The following DYNC2H1 variants were observed in gnomAD, a reference collection of about 807,000 sequenced individuals.
The protein encoded by DYNC2H1 is dynein cytoplasmic 2 heavy chain 1, also known as cytoplasmic dynein 2 heavy chain 1.
In DYNC2H1, 410 loss-of-function variants were observed where a neutral mutation model predicts 570.0. That is an observed-to-expected ratio of 0.72 (90% confidence interval 0.66 to 0.78). The LOEUF (loss-of-function observed/expected upper bound fraction) is 0.78, where lower values mean the gene tolerates loss of function less well. Among genes scored for constraint, DYNC2H1 ranks in the 30% least tolerant of loss-of-function variants. The pLI, the probability that DYNC2H1 is intolerant of heterozygous loss-of-function variation, is 0.00. For missense variants in DYNC2H1, 4,865 were observed against 5,046.4 expected, an observed-to-expected ratio of 0.96 and a Z score of 1.09; for synonymous variants, 1,688 against 1,677.6, an observed-to-expected ratio of 1.01 and a Z score of -0.15.
intron 83 of DYNC2H1, among the ~76,000 whole-genome samples, chr11:103,398,245 T>C (rs1040116774): frequency 6.6e-6 from 1 of 152,198 alleles, no homozygotes; most frequent in Non-Finnish European, 1.5e-5. Context: ...GTGCTAAATA[T>C]TATTTATTGC....
chr11:103,157,341 C>T lies in DYNC2H1; in HGVS notation c.4127+571C>T, dbSNP rs1412706431. Among the ~76,000 whole-genome samples the T allele has an allele frequency of 6.6e-6, 1 of 152,172 alleles. No homozygotes were observed. Among genetic ancestry groups the T allele is most frequent in the African/African-American group, 2.4e-5 (1 of 41,432 alleles). ...GGTCTCCTCAACTTACATGTACAGC[C>T]CATATTTCTCTTCTGAGCTCCAAAT... On this transcript the variant is annotated intron_variant, in intron 26 of 88. Transcript: ENST00000375735. The surrounding 1 kb of genome is among the most constrained non-coding windows in gnomAD (Gnocchi z 4.2).
Position 103,241,512 on chromosome 11 carries a change from A to T in DYNC2H1, c.9820-2181A>T. ...TTGAAATGTTACCTTTCTTCTTTTC[A>T]TTTAACTGCATCAGATCATTGGTTT... On this transcript the variant is annotated intron_variant, in intron 63 of 88. Transcript: ENST00000375735. This position sits in a 1 kb window ranked among gnomAD's most constrained non-coding sequence, Gnocchi z 5.1. 7 of 1,592,478 alleles carry T rather than the reference A, an allele frequency of 4.4e-6. No individual in the cohort carries two copies. Among genetic ancestry groups the T allele is most frequent in the Non-Finnish European group, 6.0e-6 (7 of 1,163,924 alleles).
intron 73 of DYNC2H1, among the ~76,000 whole-genome samples, chr11:103,283,817 A>T (rs1340663255): frequency 6.6e-6 from 1 of 152,110 alleles, no homozygotes; most frequent in East Asian, 1.9e-4. Context: ...TTCATTTCAT[A>T]AACATTGGTT....
At chr11:103,416,062 A>G (rs1298059059) in intron 84 of DYNC2H1, among the ~76,000 whole-genome samples, 1 of 152,186 alleles carries the variant, frequency 6.6e-6, no homozygotes, top group Non-Finnish European at 1.5e-5. Flanking sequence ...AGAAAACCAA[A>G]CACCACATGT....
intron 87 of DYNC2H1, among the ~76,000 whole-genome samples, chr11:103,463,016 C>T (rs9787739): frequency 0.07 from 10,591 of 152,184 alleles, 445 homozygotes; most frequent in Non-Finnish European, 0.095. Flanking sequence ...TATGGTGATT[C>T]GTTCTCAAAA....
intron 75 of DYNC2H1, among the ~76,000 whole-genome samples, chr11:103,301,165 ACCTC>A (rs1377613204): frequency 6.6e-6 from 1 of 151,892 alleles, no homozygotes; most frequent in East Asian, 1.9e-4. Flanking sequence ...ATTATCTTTT[ACCTC>A]AACATGTTTG....
In DYNC2H1 at chr11:103,157,201, T is replaced by A. The variant is rs1860876811; in HGVS notation, c.4127+431T>A. On this transcript the variant is annotated intron_variant, in intron 26 of 88. Coordinates refer to ENST00000375735, the MANE Select transcript of DYNC2H1 (RefSeq NM_001377.3). This position sits in a 1 kb window ranked among gnomAD's most constrained non-coding sequence, Gnocchi z 4.2. ...CAACACATAGTTCCTAGTCCTTAGCTGTCTCCAAATCTTTAGATGTAGTCA... is the reference window on the plus strand; with the variant it reads ...CAACACATAGTTCCTAGTCCTTAGCAGTCTCCAAATCTTTAGATGTAGTCA... Among the ~76,000 whole-genome samples, 1 of 152,240 alleles carries A rather than the reference T, an allele frequency of 6.6e-6. No homozygotes were observed. Among genetic ancestry groups the A allele is most frequent in the Non-Finnish European group, 1.5e-5 (1 of 68,042 alleles).
chr11:103,414,127 TAAGATGGAAAC>T (rs1281968333), intron 84 of DYNC2H1, among the ~76,000 whole-genome samples: 1 of 151,546 alleles, frequency 6.6e-6, no homozygotes, highest in Non-Finnish European at 1.5e-5. Context: ...AAATAGGACA[TAAGATGGAAAC>T]ATAACCTTTA....
chr11:103,282,106 A>C (rs1378262422), intron 71 of DYNC2H1, 73 bp from the exon 72 acceptor site: 25 of 1,399,118 alleles, frequency 1.8e-5, no homozygotes, highest in South Asian at 1.3e-4. Flanking sequence ...GCCATCTTAT[A>C]AGGAAAGTTA....
Position 103,168,848 on chromosome 11 carries a change from A to C in DYNC2H1, c.4856A>C (p.His1619Pro). Reference sequence around the variant, plus strand: ...AAGCAGTTAAACCAAATTCAGGTTCATACAACTGAAGACTGGGCTTGGAAA... The same window carrying C: ...AAGCAGTTAAACCAAATTCAGGTTCCTACAACTGAAGACTGGGCTTGGAAA... ...VVKQLNQIQVHTTEDWAWKKQ... is the reference protein window; with the variant it reads ...VVKQLNQIQVPTTEDWAWKKQ... Residue 1619 changes from histidine to proline, a missense_variant, in exon 32 of 89, where the codon CAT becomes CCT. This residue lies in a region of DYNC2H1 where 1,936 missense variants were observed against 1,962.1 expected (regional missense o/e 0.99). Transcript: ENST00000375735. 6.2e-7 allele frequency: 1 copy of C among 1,613,410 alleles called. No homozygotes were observed. Among genetic ancestry groups the C allele is most frequent in the Non-Finnish European group, 8.5e-7 (1 of 1,179,574 alleles).
intron 63 of DYNC2H1, 92 bp downstream of exon 63, chr11:103,236,631 G>A: frequency 3.1e-6 from 2 of 636,512 alleles, no homozygotes; most frequent in Non-Finnish European, 5.2e-6. Context: ...GTCTTTCACA[G>A]TTACCCTTTT....
rs755673575 is a variant in DYNC2H1 at position 103,143,405 on chromosome 11, G to T, written c.2702+10G>T. The T allele has an allele frequency of 2.5e-6, 4 of 1,604,312 alleles. No homozygotes were observed. The South Asian group carries it at 4.5e-5, about 18-fold the overall frequency. ...TAGAACGACTTCCAAGGTATTGGAG[G>T]TTAATGTAGTACTTACGTACCATAA... On this transcript the variant is annotated intron_variant, in intron 18 of 88. Transcript: ENST00000375735.
Position 103,143,048 on chromosome 11 carries a change from A to G in DYNC2H1, c.2575-220A>G, listed in dbSNP as rs564180652. ...GAGAATCTAAACAGAGGGTTTATAT[A>G]ATTTTCTTTAAAAGTTTATGATCAC... On this transcript the variant is annotated intron_variant, in intron 17 of 88. Coordinates refer to ENST00000375735, the MANE Select transcript of DYNC2H1 (RefSeq NM_001377.3). Among the ~76,000 whole-genome samples the G allele has an allele frequency of 4.1e-4, 62 of 152,296 alleles. 1 individual carries two copies. The highest frequency in any genetic ancestry group is 8.3e-4 in the South Asian group (4 of 4,828).
chr11:103,149,711 A>G (rs1860439876), intron 20 of DYNC2H1, among the ~76,000 whole-genome samples: 2 of 152,124 alleles, frequency 1.3e-5, no homozygotes, highest in African/African-American at 4.8e-5. Context: ...GCATTGTACT[A>G]GGAGTTGGGG....
chr11:103,363,499 TTC>T lies in DYNC2H1; in HGVS notation c.12156+5142_12156+5143del, dbSNP rs1940756998. ...AATCTTACCACAAGGCAAACTCTTA[TTC>T]TAAAAAAAATGTTTTCCGAGTTTGT... On this transcript the variant is annotated intron_variant, in intron 83 of 88. Coordinates refer to ENST00000375735, the MANE Select transcript of DYNC2H1 (RefSeq NM_001377.3). The surrounding 1 kb of genome is among the most constrained non-coding windows in gnomAD (Gnocchi z 5.6). 6.6e-6 allele frequency among the ~76,000 whole-genome samples: 1 copy of T among 152,202 alleles called. No individual in the cohort carries two copies. The highest frequency in any genetic ancestry group is 1.5e-5 in the Non-Finnish European group (1 of 68,022).
chr11:103,153,535 T>C, intron 22 of DYNC2H1, 27 bp downstream of exon 22: 8 of 1,518,814 alleles, frequency 5.3e-6, no homozygotes, highest in Non-Finnish European at 7.1e-6. Flanking sequence ...AAATTGATAG[T>C]GCTTATTTTG....
At chr11:103,281,942 A>G (rs1866154551) in intron 71 of DYNC2H1, among the ~76,000 whole-genome samples, 1 of 152,012 alleles carries the variant, frequency 6.6e-6, no homozygotes, top group Admixed American at 6.6e-5. Flanking sequence ...AGACTCATAT[A>G]TATAATGGAG....
chr11:103,459,737 G>A (rs930194936), intron 87 of DYNC2H1, among the ~76,000 whole-genome samples: 6 of 151,570 alleles, frequency 4.0e-5, no homozygotes, highest in African/African-American at 1.5e-4. Flanking sequence ...TGGATCATGA[G>A]GTCAGGAGAT....
chr11:103,117,791 T>C lies in DYNC2H1; in HGVS notation c.927T>C (p.Tyr309=), dbSNP rs752048898. The C allele has an allele frequency of 1.2e-6, 2 of 1,613,340 alleles. No individual in the cohort carries two copies. Among genetic ancestry groups the C allele is most frequent in the African/African-American group, 2.7e-5 (2 of 75,056 alleles). ...NHLTGQVWQR[Y]VPHPWKNEKY... ...TAACAGGTCAGGTGTGGCAGCGCTA[T>C]GTTCCTCATCCATGGAAAAATGAAA... Residue 309 remains tyrosine, a synonymous_variant, in exon 6 of 89, where the codon TAT becomes TAC. Coordinates refer to ENST00000375735, the MANE Select transcript of DYNC2H1 (RefSeq NM_001377.3).
Sources: allele counts gnomAD v4.1 joint callset (sites outside exome capture counted in the v4.1 genomes callset), GRCh38; gene constraint gnomAD v4.1.1; regional missense constraint gnomAD v4.1.1; non-coding constraint Gnocchi (gnomAD v3.1); transcripts MANE v1.5; gene names NCBI Gene and HGNC (gene_info 2026-07-23, HGNC 2026-07-21).